The following STX8 variants were observed in gnomAD, a reference collection of about 807,000 sequenced individuals.
The protein encoded by STX8 is syntaxin 8.
A neutral mutation model predicts 37.5 loss-of-function variants in STX8; 23 were observed. The ratio of observed to expected loss-of-function variants is 0.61; its 90% CI spans 0.44 to 0.87. The LOEUF (loss-of-function observed/expected upper bound fraction) is 0.87, where lower values mean the gene tolerates loss of function less well. Among genes scored for constraint, STX8 ranks in the 40% least tolerant of loss-of-function variants. STX8 has a pLI of 0.00. For synonymous variants in STX8, 115 were observed against 99.1 expected (o/e 1.16, Z -0.95); for missense variants, 313 against 284.7 (o/e 1.10, Z -0.71).
intron 5 of STX8, among the ~76,000 whole-genome samples, chr17:9,495,645 G>C (rs963229515): frequency 6.6e-6 from 1 of 152,172 alleles, no homozygotes; most frequent in African/African-American, 2.4e-5. Flanking sequence ...TAAAAGTTCT[G>C]TTCCCCTCTA....
chr17:9,375,157 C>T (rs539184679), intron 7 of STX8, among the ~76,000 whole-genome samples: 1 of 150,540 alleles, frequency 6.6e-6, no homozygotes, highest in Admixed American at 6.6e-5. Context: ...TGAATCATTA[C>T]ATATAATTCT....
intron 7 of STX8, among the ~76,000 whole-genome samples, chr17:9,309,175 A>G (rs1909105955): frequency 6.6e-6 from 1 of 152,186 alleles, no homozygotes; most frequent in Non-Finnish European, 1.5e-5. Flanking sequence ...CAAAACTGTT[A>G]GTCCTATCTC....
At chr17:9,452,750 TAAA>T (rs930303870) in intron 6 of STX8, among the ~76,000 whole-genome samples, 2 of 152,006 alleles carry the variant, frequency 1.3e-5, no homozygotes, top group African/African-American at 4.8e-5. Flanking sequence ...ATTTTAAGAT[TAAA>T]AATCTACTTG....
At chr17:9,257,942 T>C (rs1358376500) in intron 7 of STX8, among the ~76,000 whole-genome samples, 1 of 152,184 alleles carries the variant, frequency 6.6e-6, no homozygotes, top group Non-Finnish European at 1.5e-5. Flanking sequence ...TGAGCTGAGA[T>C]TGCGCCACTG....
intron 7 of STX8, among the ~76,000 whole-genome samples, chr17:9,356,087 A>G (rs1233518314): frequency 6.6e-6 from 1 of 152,158 alleles, no homozygotes; most frequent in Non-Finnish European, 1.5e-5. Context: ...AAGCCAACTT[A>G]ACTAGAAGAC....
At chr17:9,427,262 A>G (rs1055044834) in intron 6 of STX8, among the ~76,000 whole-genome samples, 1 of 152,142 alleles carries the variant, frequency 6.6e-6, no homozygotes, top group African/African-American at 2.4e-5. Flanking sequence ...ACCATGTCAC[A>G]GGAGTAGCAG....
At chr17:9,434,604 G>A (rs1432716678) in intron 6 of STX8, among the ~76,000 whole-genome samples, 1 of 152,204 alleles carries the variant, frequency 6.6e-6, no homozygotes, top group Non-Finnish European at 1.5e-5. Context: ...ACTGGCTGCA[G>A]ATGTCTAACT....
chr17:9,411,134 A>G (rs995440108), intron 6 of STX8, among the ~76,000 whole-genome samples: 7 of 152,208 alleles, frequency 4.6e-5, no homozygotes, highest in African/African-American at 9.6e-5. Flanking sequence ...AATCTACCCT[A>G]GAGGTTTGTA....
chr17:9,262,129 C>T (rs1274924087), intron 7 of STX8, among the ~76,000 whole-genome samples: 1 of 152,218 alleles, frequency 6.6e-6, no homozygotes, highest in African/African-American at 2.4e-5. Flanking sequence ...TTTGTCAATA[C>T]ACCAAATGCT....
chr17:9,461,881 G>A (rs1711901231), intron 6 of STX8, among the ~76,000 whole-genome samples: 1 of 151,994 alleles, frequency 6.6e-6, no homozygotes, highest in African/African-American at 2.4e-5. Context: ...AGATCATCAG[G>A]CATTAGATTC....
At chr17:9,303,146 C>T (rs1908845441) in intron 7 of STX8, among the ~76,000 whole-genome samples, 1 of 152,074 alleles carries the variant, frequency 6.6e-6, no homozygotes, top group South Asian at 2.1e-4. Flanking sequence ...CAAAAATTAG[C>T]TGGGCGTGGT....
intron 7 of STX8, among the ~76,000 whole-genome samples, chr17:9,370,793 C>T (rs1250114389): frequency 1.3e-5 from 2 of 152,060 alleles, no homozygotes; most frequent in African/African-American, 4.8e-5. Context: ...GGACCAAGCA[C>T]ACTGAATATT....
At chr17:9,396,740 G>T (rs1239659944) in intron 6 of STX8, among the ~76,000 whole-genome samples, 3 of 150,520 alleles carry the variant, frequency 2.0e-5, no homozygotes, top group Admixed American at 6.6e-5. Flanking sequence ...AACTCTATAT[G>T]ATACTGTAAA....
intron 6 of STX8, among the ~76,000 whole-genome samples, chr17:9,450,829 T>C (rs553968572): frequency 6.7e-6 from 1 of 150,356 alleles, no homozygotes; most frequent in South Asian, 2.1e-4. Flanking sequence ...CAGTATTTTG[T>C]AGACATACCT....
intron 5 of STX8, 65 bp downstream of exon 5, chr17:9,504,973 C>CAAAAAAATAAA: frequency 1.4e-6 from 1 of 708,678 alleles, no homozygotes; most frequent in East Asian, 5.7e-5. Context: ...GACTCCGTCT[C>CAAAAAAATAAA]AAAAAAAAAA....
chr17:9,509,628 A>G (rs189156198), intron 4 of STX8, among the ~76,000 whole-genome samples: 309 of 152,290 alleles, frequency 2.0e-3, no homozygotes, highest in African/African-American at 7.0e-3. Context: ...GAGCCAATAT[A>G]CAAAGGAAAA....
chr17:9,281,776 A>C (rs1345908502), intron 7 of STX8, among the ~76,000 whole-genome samples: 1 of 152,224 alleles, frequency 6.6e-6, no homozygotes, highest in Non-Finnish European at 1.5e-5. Flanking sequence ...TCTATTAAAA[A>C]TACAAAAATC....
chr17:9,425,499 A>G (rs761235794), intron 6 of STX8, among the ~76,000 whole-genome samples: 3 of 152,224 alleles, frequency 2.0e-5, no homozygotes, highest in Non-Finnish European at 2.9e-5. Flanking sequence ...ACTCCACTTA[A>G]TAATTGCACT....
At chr17:9,409,455 G>A (rs775973580) in intron 6 of STX8, among the ~76,000 whole-genome samples, 1 of 152,100 alleles carries the variant, frequency 6.6e-6, no homozygotes, top group African/African-American at 2.4e-5. Context: ...ATGAATCACG[G>A]ATTTCCCTTT....
Sources: gnomAD v4.1 joint callset for allele counts (sites outside exome capture counted in the v4.1 genomes callset) on GRCh38, gnomAD v4.1.1 for gene constraint, MANE v1.5 for transcripts, NCBI Gene and HGNC (gene_info 2026-07-23, HGNC 2026-07-21) for gene names.